Variants in IKBKB-DT observed in about 807,000 individuals in gnomAD.
IKBKB-DT encodes IKBKB antisense RNA.
chr8:42,239,917 G>T (rs1806978790), intron 3 of IKBKB-DT, among the ~76,000 whole-genome samples: 1 of 151,710 alleles, frequency 6.6e-6, no homozygotes, highest in Admixed American at 6.6e-5. Context: ...GGGATTATAG[G>T]CATGAGCCAC....
chr8:42,264,835 A>G (rs1807348613), intron 2 of IKBKB-DT, among the ~76,000 whole-genome samples: 2 of 150,000 alleles, frequency 1.3e-5, no homozygotes, highest in African/African-American at 4.9e-5. Flanking sequence ...CTGGGATTAC[A>G]GGTGTGAGCC....
At chr8:42,236,414 A>C (rs1440856498) in intron 3 of IKBKB-DT, among the ~76,000 whole-genome samples, 2 of 152,218 alleles carry the variant, frequency 1.3e-5, no homozygotes, top group East Asian at 3.8e-4. Flanking sequence ...GACTTCATTT[A>C]GATTTTGATT....
At chr8:42,267,377 T>C (rs1291956513) in intron 1 of IKBKB-DT, among the ~76,000 whole-genome samples, 1 of 152,180 alleles carries the variant, frequency 6.6e-6, no homozygotes, top group East Asian at 1.9e-4. Flanking sequence ...GAACCCTCTC[T>C]TGGGGTCTGG....
chr8:42,239,489 G>A, intron 3 of IKBKB-DT, among the ~76,000 whole-genome samples: 1 of 150,878 alleles, frequency 6.6e-6, no homozygotes, highest in Non-Finnish European at 1.5e-5. Flanking sequence ...ATTGTATTTA[G>A]AATTAGCATC....
intron 3 of IKBKB-DT, among the ~76,000 whole-genome samples, chr8:42,239,498 T>C (rs1393350256): frequency 6.6e-6 from 1 of 150,902 alleles, no homozygotes; most frequent in Non-Finnish European, 1.5e-5. Flanking sequence ...AGAATTAGCA[T>C]CCAAAATTGA....
intron 3 of IKBKB-DT, among the ~76,000 whole-genome samples, chr8:42,259,014 TTTTC>T (rs547488913): frequency 4.4e-4 from 67 of 151,984 alleles, no homozygotes; most frequent in African/African-American, 1.5e-3. Context: ...TCATAGCAGT[TTTTC>T]TTTCTTTCTT....
intron 3 of IKBKB-DT, among the ~76,000 whole-genome samples, chr8:42,238,250 C>T (rs955067405): frequency 1.3e-5 from 2 of 152,064 alleles, no homozygotes; most frequent in African/African-American, 4.8e-5. Flanking sequence ...CGTGTGAAAT[C>T]ATCTTTGCAA....
chr8:42,244,781 C>T (rs1364471457), intron 3 of IKBKB-DT, among the ~76,000 whole-genome samples: 1 of 152,218 alleles, frequency 6.6e-6, no homozygotes, highest in Non-Finnish European at 1.5e-5. Context: ...ACTGACCACA[C>T]ACAAAAGTGC....
At chr8:42,248,756 G>A (rs1807092869) in intron 3 of IKBKB-DT, among the ~76,000 whole-genome samples, 1 of 151,640 alleles carries the variant, frequency 6.6e-6, no homozygotes, top group Admixed American at 6.6e-5. Context: ...ACAGGCACCT[G>A]TAGTCCCAGC....
chr8:42,235,205 C>CTTTTTTTTTTTTTTTTTTTTTCT (rs746414963), intron 3 of IKBKB-DT, among the ~76,000 whole-genome samples: 4 of 99,402 alleles, frequency 4.0e-5, no homozygotes, highest in African/African-American at 1.2e-4. Context: ...CTTTTATTTT[C>CTTTTTTTTTTTTTTTTTTTTTCT]TTTTTTTTTT....
At chr8:42,263,104 T>C (rs1807312974) in intron 3 of IKBKB-DT, among the ~76,000 whole-genome samples, 1 of 152,092 alleles carries the variant, frequency 6.6e-6, no homozygotes, top group Admixed American at 6.6e-5. Flanking sequence ...CTCAAACTCC[T>C]GGGCTCAAGT....
intron 3 of IKBKB-DT, among the ~76,000 whole-genome samples, chr8:42,260,958 ACAG>A (rs1807278938): frequency 6.6e-6 from 1 of 152,176 alleles, no homozygotes; most frequent in African/African-American, 2.4e-5. Context: ...ACTCCCATAG[ACAG>A]CCAAGGGAAG....
chr8:42,254,555 T>C, intron 3 of IKBKB-DT, among the ~76,000 whole-genome samples: 1 of 148,910 alleles, frequency 6.7e-6, no homozygotes, highest in South Asian at 2.1e-4. Context: ...GTCTGGGAAG[T>C]GAGGAGCGCC....
intron 3 of IKBKB-DT, chr8:42,255,450 A>G (rs1305826306): frequency 2.6e-5 from 4 of 152,116 alleles, no homozygotes; most frequent in Non-Finnish European, 5.9e-5. Context: ...ACTTTGATGA[A>G]TTATTCTTTT....
chr8:42,268,606 G>A (rs970345716), intron 1 of IKBKB-DT, among the ~76,000 whole-genome samples: 5 of 147,940 alleles, frequency 3.4e-5, no homozygotes, highest in Admixed American at 6.9e-5. Context: ...TCGCTCTGTC[G>A]CCCACGTTGT....
intron 3 of IKBKB-DT, among the ~76,000 whole-genome samples, chr8:42,248,794 T>C (rs1034182576): frequency 3.3e-5 from 5 of 151,400 alleles, no homozygotes; most frequent in Admixed American, 6.6e-5. Flanking sequence ...CAGAAATCAA[T>C]TGAACCCAGG....
chr8:42,234,786 C>T (rs553734557), intron 3 of IKBKB-DT, among the ~76,000 whole-genome samples: 25 of 152,188 alleles, frequency 1.6e-4, no homozygotes, highest in Middle Eastern at 3.4e-3. Context: ...TCCACCATCA[C>T]GCCTGACTAA....
intron 1 of IKBKB-DT, among the ~76,000 whole-genome samples, chr8:42,268,481 G>A (rs1275352719): frequency 6.6e-6 from 1 of 152,060 alleles, no homozygotes; most frequent in African/African-American, 2.4e-5. Flanking sequence ...ATGTTGGCCA[G>A]GCTAGTCTTG....
In IKBKB-DT at chr8:42,267,214, C is replaced by T. The variant is rs962592087; in HGVS notation, n.604-818G>A. On this transcript the variant is annotated intron_variant and non_coding_transcript_variant, in intron 1 of 3. Coordinates refer to ENST00000518213, the Ensembl canonical transcript of IKBKB-DT. The stretch of plus-strand genomic sequence containing the variant: ...AGAGACGGGGTTTCACCGTGTTAGC[C>T]AGGATGGTCTCCATCTCCTGACCTC... Among the ~76,000 whole-genome samples, 3 of 152,144 alleles carry T rather than the reference C, an allele frequency of 2.0e-5. No individual in the cohort carries two copies. The East Asian group carries it at 5.8e-4, about 29-fold the overall frequency.
Sources: gnomAD v4.1 joint callset for allele counts (sites outside exome capture counted in the v4.1 genomes callset) on GRCh38, gnomAD v4.1.1 for gene constraint, MANE v1.5 for transcripts, NCBI Gene and HGNC (gene_info 2026-07-23, HGNC 2026-07-21) for gene names.